The following ANO5 variants were observed in gnomAD, a reference collection of about 807,000 sequenced individuals.
The protein encoded by ANO5 is anoctamin 5, also known as anoctamin-5.
ANO5 carries 109 observed loss-of-function variants against 121.0 expected under a neutral mutation model. That is an observed-to-expected ratio of 0.90 (90% CI 0.77 to 1.06). ANO5 has a LOEUF of 1.06. ANO5 is among the 50% of genes least tolerant of loss of function. The pLI is 0.00. For synonymous variants in ANO5, 406 were observed against 359.9 expected, an observed-to-expected ratio of 1.13 and a Z score of -1.45; for missense variants, 1,064 against 1,078.5, an observed-to-expected ratio of 0.99 and a Z score of 0.19.
intron 3 of ANO5, 30 bp downstream of exon 3, chr11:22,211,344 G>T (rs746991837): frequency 1.2e-6 from 2 of 1,603,762 alleles, no homozygotes; most frequent in Admixed American, 1.7e-5. Context: ...ATCCTTTCTT[G>T]CATGGACACA....
At chr11:22,231,340 A>G (rs1460591904) in intron 7 of ANO5, among the ~76,000 whole-genome samples, 1 of 151,932 alleles carries the variant, frequency 6.6e-6, no homozygotes, top group African/African-American at 2.4e-5. Flanking sequence ...CATTTACCTT[A>G]TTAAATTTTT....
rs140308444 is a variant in ANO5, at chr11:22,218,599, C to T, written c.180+312C>T. ...GTTTTCACACAGAGTCTTACTCTGT[C>T]GCCCAGGCTGGAGTGCAGTGGTGCA... On this transcript the variant is annotated intron_variant, in intron 4 of 21. Coordinates refer to ENST00000324559, the MANE Select transcript of ANO5 (RefSeq NM_213599.3). Among the ~76,000 whole-genome samples the T allele has an allele frequency of 1.1e-3, 172 of 152,150 alleles. 2 individuals carry two copies. In the East Asian group the frequency reaches 0.024, roughly 22 times the overall value.
At chr11:22,276,351 T>C in intron 21 of ANO5, 152 bp downstream of exon 21, 1 of 685,076 alleles carries the variant, frequency 1.5e-6, no homozygotes, top group Non-Finnish European at 2.6e-6. Flanking sequence ...ACCTTAGGGA[T>C]ATTCTTAGTA....
chr11:22,238,858 C>T (rs1191081388), intron 8 of ANO5, among the ~76,000 whole-genome samples: 2 of 151,962 alleles, frequency 1.3e-5, no homozygotes, highest in African/African-American at 2.4e-5. Context: ...CATCATTTAA[C>T]GTTAGGTATA....
chr11:22,236,162 G>A lies in ANO5; in HGVS notation c.649-1G>A, dbSNP rs775356227. The stretch of plus-strand genomic sequence containing the variant: ...AGTGTCTCTTTGCACTTACCTTGTA[G>A]GTGTACTATATTCTCTCAAGATGTC... On this transcript the variant is annotated splice_acceptor_variant, in intron 7 of 21. Coordinates refer to ENST00000324559, the MANE Select transcript of ANO5 (RefSeq NM_213599.3). LOFTEE classifies it high-confidence loss of function. 1 of 1,594,890 alleles carries A rather than the reference G, an allele frequency of 6.3e-7. No individual in the cohort carries two copies. Among genetic ancestry groups the A allele is most frequent in the Non-Finnish European group, 8.6e-7 (1 of 1,162,886 alleles).
At chr11:22,208,040 T>G (rs1009841544) in intron 2 of ANO5, among the ~76,000 whole-genome samples, 4 of 151,950 alleles carry the variant, frequency 2.6e-5, no homozygotes, top group Admixed American at 2.0e-4. Context: ...ACTTACTAGT[T>G]AGGATGCAGA....
intron 17 of ANO5, among the ~76,000 whole-genome samples, chr11:22,263,954 T>G (rs937792173): frequency 5.3e-5 from 8 of 151,270 alleles, no homozygotes; most frequent in Non-Finnish European, 1.2e-4. Flanking sequence ...TTACAAATGG[T>G]AATAAATGTA....
At chr11:22,196,165 T>C (rs1267857484) in intron 1 of ANO5, among the ~76,000 whole-genome samples, 1 of 152,184 alleles carries the variant, frequency 6.6e-6, no homozygotes, top group Non-Finnish European at 1.5e-5. Flanking sequence ...CGCTTTTGGT[T>C]CTGGAGTCTG....
At chr11:22,251,101 C>T in intron 12 of ANO5, 90 bp downstream of exon 12, 2 of 1,279,798 alleles carry the variant, frequency 1.6e-6, no homozygotes, top group East Asian at 2.4e-5. Flanking sequence ...AAATATCTTA[C>T]ATACCAAATG....
chr11:22,259,495 C>T lies in ANO5; in HGVS notation c.1408-24C>T, dbSNP rs373458991. The stretch of plus-strand genomic sequence containing the variant: ...AACAGAGATACAGAGACCCAAATAG[C>T]AGTTCTTTGTTTTCCTTTCCCAGAT... On this transcript the variant is annotated intron_variant, in intron 14 of 21. Transcript: ENST00000324559. 110 of 1,584,498 alleles carry T rather than the reference C, an allele frequency of 6.9e-5. No individual in the cohort carries two copies. In the South Asian group the frequency reaches 1.0e-3, roughly 15 times the overall value.
chr11:22,279,349 T>G (rs1439635449), intron 21 of ANO5, among the ~76,000 whole-genome samples, 195 bp from the exon 22 acceptor site: 2 of 151,926 alleles, frequency 1.3e-5, no homozygotes, highest in Non-Finnish European at 2.9e-5. Context: ...GCTAGTTACA[T>G]ATTTAAGTAT....
chr11:22,272,710 G>T, intron 18 of ANO5, 74 bp from the exon 19 acceptor site: 1 of 1,373,432 alleles, frequency 7.3e-7, no homozygotes, highest in Non-Finnish European at 1.0e-6. Flanking sequence ...GAAGGAAGTA[G>T]CAGGATTTGG....
intron 5 of ANO5, among the ~76,000 whole-genome samples, chr11:22,222,229 C>A (rs947472070): frequency 1.3e-5 from 2 of 151,950 alleles, no homozygotes; most frequent in Non-Finnish European, 2.9e-5. Context: ...TATTATCCTG[C>A]ATTGTTTTTG....
chr11:22,250,436 T>C, intron 10 of ANO5, 65 bp downstream of exon 10: 1 of 1,591,858 alleles, frequency 6.3e-7, no homozygotes. Context: ...GAAGTTGTTG[T>C]TATTATTTCC....
intron 2 of ANO5, among the ~76,000 whole-genome samples, chr11:22,205,242 T>C (rs1852080669): frequency 6.6e-6 from 1 of 152,010 alleles, no homozygotes; most frequent in Admixed American, 6.6e-5. Flanking sequence ...AAACAACTAG[T>C]GGGTATTAGG....
Position 22,255,401 on chromosome 11 carries a change from G to A in ANO5, c.1211G>A (p.Arg404Gln), listed in dbSNP as rs375834855. The change falls in exon 13 of 22, where the codon CGA becomes CAA. Residue 404 changes from arginine (R) to glutamine (Q), a missense_variant. By Grantham distance (43) the Arg-to-Gln change is conservative. Transcript: ENST00000324559. ...VTLFLEFWKQ[R>Q]QARLEYEWDL... is the part of the protein sequence containing the mutation. ...TTATTTTTGGAGTTTTGGAAACAAC[G>A]ACAAGCCAGACTGGAATATGAATGG... The A allele has an allele frequency of 2.1e-5, 34 of 1,611,036 alleles. No homozygotes were observed. Among genetic ancestry groups the A allele is most frequent in the Non-Finnish European group, 2.7e-5 (32 of 1,178,098 alleles).
chr11:22,218,378 G>A (rs1852533982), intron 4 of ANO5, 91 bp downstream of exon 4: 3 of 1,505,696 alleles, frequency 2.0e-6, no homozygotes, highest in African/African-American at 1.4e-5. Context: ...CTTTGATTTG[G>A]GGGAACATTG....
intron 12 of ANO5, 55 bp downstream of exon 12, chr11:22,251,066 G>T (rs1317846670): frequency 1.7e-5 from 26 of 1,497,942 alleles, no homozygotes; most frequent in South Asian, 9.2e-5. Context: ...GTGTTGTTTT[G>T]CCTCCATATA....
intron 5 of ANO5, among the ~76,000 whole-genome samples, chr11:22,221,913 A>C (rs1852666445): frequency 6.6e-6 from 1 of 152,020 alleles, no homozygotes; most frequent in African/African-American, 2.4e-5. Context: ...TATTATTCCC[A>C]CAAGACTCCA....
Sources: gnomAD v4.1 joint callset for allele counts (sites outside exome capture counted in the v4.1 genomes callset) on GRCh38, gnomAD v4.1.1 for gene constraint, MANE v1.5 for transcripts, NCBI Gene and HGNC (gene_info 2026-07-23, HGNC 2026-07-21) for gene names.